Variants in NSUN6 observed in about 807,000 individuals in gnomAD.
NSUN6 encodes NOP2/Sun RNA methyltransferase 6, also known as tRNA (cytosine(72)-C(5))-methyltransferase NSUN6.
NSUN6 carries 64 observed loss-of-function variants against 58.0 expected under a neutral mutation model. The observed-to-expected ratio is 1.10, with a 90% CI of 0.90 to 1.36. The LOEUF (loss-of-function observed/expected upper bound fraction) is 1.36, where lower values mean the gene tolerates loss of function less well. Ranked by LOEUF, NSUN6 falls within the 40% of genes most tolerant of loss-of-function variation. NSUN6 has a pLI of 0.00. For synonymous variants in NSUN6, 231 were observed against 193.9 expected, an observed-to-expected ratio of 1.19 and a Z score of -1.59; for missense variants, 701 against 550.1, an observed-to-expected ratio of 1.27 and a Z score of -2.74.
Position 18,613,045 on chromosome 10 carries a change from C to T in NSUN6, c.575+1415G>A, listed in dbSNP as rs551933182. Among the ~76,000 whole-genome samples, 310 of 152,246 alleles carry T rather than the reference C, an allele frequency of 2.0e-3. 3 individuals carry two copies. Among genetic ancestry groups the T allele is most frequent in the African/African-American group, 3.7e-3 (153 of 41,542 alleles). On this transcript the variant is annotated intron_variant, in intron 5 of 10. Coordinates refer to ENST00000377304, the MANE Select transcript of NSUN6 (RefSeq NM_182543.5). ...TGTTATAGCAGCCTGCTTCTTCCAC[C>T]GGAAGAGACAAAACTTCCAACAGTA...
intron 3 of NSUN6, among the ~76,000 whole-genome samples, chr10:18,627,827 G>T (rs187794463): frequency 3.4e-4 from 52 of 152,350 alleles, no homozygotes; most frequent in African/African-American, 1.2e-3. Context: ...AGCCAGGCTG[G>T]GGGAGGGGCG....
chr10:18,579,780 G>C (rs1589940221), intron 8 of NSUN6, among the ~76,000 whole-genome samples: 2 of 152,276 alleles, frequency 1.3e-5, no homozygotes, highest in Admixed American at 6.5e-5. Flanking sequence ...ATTCTTTTGA[G>C]TCTTGATCAG....
chr10:18,561,974 T>C (rs1270794345), intron 8 of NSUN6, among the ~76,000 whole-genome samples: 1 of 147,990 alleles, frequency 6.8e-6, no homozygotes, highest in African/African-American at 2.5e-5. Context: ...GAGAATGGAA[T>C]GGAATGAAAA....
intron 7 of NSUN6, among the ~76,000 whole-genome samples, chr10:18,587,490 G>C (rs2057203839): frequency 6.6e-6 from 1 of 152,120 alleles, no homozygotes; most frequent in South Asian, 2.1e-4. Flanking sequence ...TCAAAATTTG[G>C]GAGGGGCCAA....
At chr10:18,636,530 C>G (rs150434887) in intron 3 of NSUN6, among the ~76,000 whole-genome samples, 1 of 151,650 alleles carries the variant, frequency 6.6e-6, no homozygotes, top group Non-Finnish European at 1.5e-5. Context: ...TAAATACAAA[C>G]TAGGTGGTAG....
chr10:18,587,507 T>G (rs1427962608), intron 7 of NSUN6, among the ~76,000 whole-genome samples: 5 of 152,172 alleles, frequency 3.3e-5, no homozygotes, highest in Non-Finnish European at 7.3e-5. Flanking sequence ...CCAAGAGAGC[T>G]GAATAGAAAC....
chr10:18,629,222 C>G (rs1048751566), intron 3 of NSUN6, among the ~76,000 whole-genome samples: 2 of 152,068 alleles, frequency 1.3e-5, no homozygotes, highest in Non-Finnish European at 2.9e-5. Flanking sequence ...TTTGTCACCA[C>G]CAGGCCTGCC....
intron 6 of NSUN6, among the ~76,000 whole-genome samples, chr10:18,600,959 T>TATATATATATATATATATATACACAC: frequency 8.9e-4 from 58 of 64,936 alleles, no homozygotes; most frequent in Non-Finnish European, 1.4e-3. Flanking sequence ...TATATATATA[T>TATATATATATATATATATATACACAC]ACATATATAT....
intron 6 of NSUN6, among the ~76,000 whole-genome samples, chr10:18,603,739 A>G (rs938519185): frequency 2.0e-5 from 3 of 151,930 alleles, no homozygotes; most frequent in African/African-American, 7.3e-5. Flanking sequence ...AGCCTCCCAA[A>G]CTGCTGGGAT....
chr10:18,551,732 A>G, intron 9 of NSUN6, 91 bp downstream of exon 9: 1 of 1,090,238 alleles, frequency 9.2e-7, no homozygotes, highest in Non-Finnish European at 1.4e-6. Flanking sequence ...TGGCTATTGT[A>G]ATGAACGCTG....
At chr10:18,595,753 C>A (rs896701066) in intron 7 of NSUN6, among the ~76,000 whole-genome samples, 3 of 151,802 alleles carry the variant, frequency 2.0e-5, no homozygotes, top group African/African-American at 7.3e-5. Flanking sequence ...TTTCTTAGAC[C>A]AAAATGATAA....
chr10:18,600,947 T>A lies in NSUN6; in HGVS notation c.658-4620A>T, dbSNP rs1260298023. ...CATCTCAAAAAAAAAAAAAAATATA[T>A]ATATATATATATACATATATATATA... On this transcript the variant is annotated intron_variant, in intron 6 of 10. Transcript: ENST00000377304. Among the ~76,000 whole-genome samples the A allele has an allele frequency of 2.0e-3, 168 of 85,976 alleles. 2 individuals carry two copies. The highest frequency in any genetic ancestry group is 7.6e-3 in the African/African-American group (160 of 21,122). 56.4% of individuals were successfully genotyped at this position (85,976 alleles called of 152,430 possible).
At chr10:18,639,278 A>C (rs1305094877) in intron 3 of NSUN6, among the ~76,000 whole-genome samples, 4 of 152,164 alleles carry the variant, frequency 2.6e-5, no homozygotes, top group Admixed American at 6.5e-5. Flanking sequence ...GCGGATCATG[A>C]AGTCAGAAGT....
Position 18,571,628 on chromosome 10 carries a change from C to A in NSUN6, c.922+14321G>T, listed in dbSNP as rs1279469003. On this transcript the variant is annotated intron_variant, in intron 8 of 10. Coordinates refer to ENST00000377304, the MANE Select transcript of NSUN6 (RefSeq NM_182543.5). ...TCCATTCCATTCTCCCATTCCATTC[C>A]ATTCTCCACTGCACTGCACTCCATT... Among the ~76,000 whole-genome samples, 4 of 147,436 alleles carry A rather than the reference C, an allele frequency of 2.7e-5. No homozygotes were observed. In the East Asian group the frequency reaches 7.9e-4, roughly 29 times the overall value.
chr10:18,575,126 G>T (rs927599502), intron 8 of NSUN6, among the ~76,000 whole-genome samples: 1 of 152,158 alleles, frequency 6.6e-6, no homozygotes, highest in Non-Finnish European at 1.5e-5. Flanking sequence ...TATGAGGGAC[G>T]TCTTACCCTA....
At position 18,613,710 on chromosome 10, in the gene NSUN6, C is replaced by T. The variant is rs181266707; in HGVS notation, c.575+750G>A. On this transcript the variant is annotated intron_variant, in intron 5 of 10. Transcript: ENST00000377304. ...TAGATCTAGGGAATCCAACAGTCAA[C>T]TTCTTCAGAAGAACGAATGAATTTC... is the stretch of plus-strand genomic sequence containing the variant. 2.3e-3 allele frequency among the ~76,000 whole-genome samples: 347 copies of T among 152,318 alleles called. 4 individuals carry two copies. The highest frequency in any genetic ancestry group is 7.8e-3 in the African/African-American group (325 of 41,568).
At chr10:18,637,440 G>A (rs534830450) in intron 3 of NSUN6, among the ~76,000 whole-genome samples, 1 of 152,286 alleles carries the variant, frequency 6.6e-6, no homozygotes, top group South Asian at 2.1e-4. Flanking sequence ...AGTAAGTATT[G>A]AAAATAATTT....
At chr10:18,603,906 G>A (rs920152475) in intron 6 of NSUN6, among the ~76,000 whole-genome samples, 3 of 152,166 alleles carry the variant, frequency 2.0e-5, no homozygotes, top group South Asian at 2.1e-4. Context: ...TTAGACTGCC[G>A]GGTGTGGTGG....
intron 8 of NSUN6, among the ~76,000 whole-genome samples, chr10:18,569,826 A>C (rs775643460): frequency 6.9e-6 from 1 of 144,226 alleles, no homozygotes; most frequent in Non-Finnish European, 1.5e-5. Flanking sequence ...TCCATTCTCC[A>C]TACCATTCCA....
Sources: allele counts gnomAD v4.1 joint callset (sites outside exome capture counted in the v4.1 genomes callset), GRCh38; gene constraint gnomAD v4.1.1; transcripts MANE v1.5; gene names NCBI Gene and HGNC (gene_info 2026-07-23, HGNC 2026-07-21).